The following CLSTN2 variants were observed in gnomAD, a reference collection of about 807,000 sequenced individuals.
CLSTN2 encodes the protein calsyntenin-2.
CLSTN2 carries 48 observed loss-of-function variants against 101.2 expected under a neutral mutation model. The ratio of observed to expected loss-of-function variants is 0.47; its 90% CI spans 0.38 to 0.60. The LOEUF is 0.60. Among genes scored for constraint, CLSTN2 ranks in the 20% least tolerant of loss-of-function variants. CLSTN2 has a pLI of 0.00. For synonymous variants in CLSTN2, 481 were observed against 463.6 expected (o/e 1.04, Z -0.48); for missense variants, 1,160 against 1,238.2 (o/e 0.94, Z 0.95).
At chr3:140,085,213 A>G (rs192281765) in intron 1 of CLSTN2, among the ~76,000 whole-genome samples, 3 of 152,342 alleles carry the variant, frequency 2.0e-5, no homozygotes, top group Admixed American at 2.0e-4. Context: ...ATCAACAAAC[A>G]GATGGATGTC....
intron 2 of CLSTN2, among the ~76,000 whole-genome samples, chr3:140,307,123 A>G (rs879585169): frequency 9.2e-5 from 14 of 152,252 alleles, no homozygotes; most frequent in Admixed American, 3.9e-4. Flanking sequence ...CCATCCATGT[A>G]AGATATGACT....
chr3:140,484,066 T>C (rs1934185991), intron 8 of CLSTN2, among the ~76,000 whole-genome samples: 1 of 152,226 alleles, frequency 6.6e-6, no homozygotes, highest in African/African-American at 2.4e-5. Context: ...CTTGATGGTC[T>C]TTACAATTTG....
chr3:140,511,645 G>T (rs181442673), intron 8 of CLSTN2, among the ~76,000 whole-genome samples: 14 of 148,620 alleles, frequency 9.4e-5, no homozygotes, highest in African/African-American at 3.0e-4. Context: ...TGCCTCCCGG[G>T]TTCACGCAAT....
intron 1 of CLSTN2, among the ~76,000 whole-genome samples, chr3:140,088,213 T>A (rs1043978897): frequency 6.6e-6 from 1 of 152,174 alleles, no homozygotes; most frequent in Non-Finnish European, 1.5e-5. Context: ...GATGGTACTA[T>A]CATAAAAGCC....
At chr3:140,331,950 C>T (rs191539919) in intron 2 of CLSTN2, among the ~76,000 whole-genome samples, 248 of 152,326 alleles carry the variant, frequency 1.6e-3, no homozygotes, top group Non-Finnish European at 3.0e-3. Flanking sequence ...TATGTTTATT[C>T]TTCAAGAATA....
chr3:140,046,484 C>CTT (rs2007883184), intron 1 of CLSTN2, among the ~76,000 whole-genome samples: 1 of 152,138 alleles, frequency 6.6e-6, no homozygotes, highest in Non-Finnish European at 1.5e-5. Flanking sequence ...CAGTCTGTGT[C>CTT]TTTTAATTGG....
intron 1 of CLSTN2, among the ~76,000 whole-genome samples, chr3:140,103,380 T>C (rs1452144880): frequency 6.6e-6 from 1 of 152,330 alleles, no homozygotes; most frequent in African/African-American, 2.4e-5. Flanking sequence ...CCCTCCATAG[T>C]GTGCTTTCAG....
At chr3:140,294,730 T>TAACA (rs1181067771) in intron 2 of CLSTN2, among the ~76,000 whole-genome samples, 2 of 152,182 alleles carry the variant, frequency 1.3e-5, no homozygotes, top group African/African-American at 4.8e-5. Flanking sequence ...GAGGCTGCTA[T>TAACA]AACAAAGTAC....
At chr3:140,560,070 A>G (rs1935878469) in intron 12 of CLSTN2, among the ~76,000 whole-genome samples, 1 of 152,216 alleles carries the variant, frequency 6.6e-6, no homozygotes, top group Non-Finnish European at 1.5e-5. Flanking sequence ...ACCAGCATAC[A>G]GGCAATGCAG....
intron 9 of CLSTN2, among the ~76,000 whole-genome samples, chr3:140,538,625 G>C (rs1177408536): frequency 6.6e-6 from 1 of 152,182 alleles, no homozygotes. Context: ...TTAGTACAGA[G>C]GCTTGGAGTG....
At chr3:140,169,787 C>T (rs539786799) in intron 1 of CLSTN2, among the ~76,000 whole-genome samples, 157 of 152,078 alleles carry the variant, frequency 1.0e-3, no homozygotes, top group Middle Eastern at 3.4e-3. Context: ...CTGGGTAGAA[C>T]ATTTCTGAGA....
At chr3:140,056,548 G>A (rs552337116) in intron 1 of CLSTN2, among the ~76,000 whole-genome samples, 2 of 152,288 alleles carry the variant, frequency 1.3e-5, no homozygotes, top group South Asian at 2.1e-4. Flanking sequence ...TATGGAACAC[G>A]TGGGTTAGGT....
In CLSTN2 at chr3:140,532,482, G is replaced by A; in HGVS notation, c.1503G>A (p.Trp501Ter). ...TGCAACTCACAGTCGGCGCTTGTTG[G>A]CAAGGTAATCCTAAGTGAAACCCTT... ...IAMQLTVGAC[W>*]QGGEVTKPQF... Residue 501 changes from tryptophan (W) to a stop codon, truncating the protein, a stop_gained, in exon 9 of 17, where the codon TGG becomes TGA. Transcript: ENST00000458420. LOFTEE classifies it high-confidence loss of function. 6.2e-7 allele frequency: 1 copy of A among 1,612,294 alleles called. No homozygotes were observed. The highest frequency in any genetic ancestry group is 1.3e-5 in the African/African-American group (1 of 74,996).
intron 2 of CLSTN2, among the ~76,000 whole-genome samples, chr3:140,398,271 G>A (rs1280969210): frequency 2.0e-5 from 3 of 151,956 alleles, no homozygotes; most frequent in Admixed American, 6.6e-5. Flanking sequence ...TCATCCCACA[G>A]AATATTAAAA....
Position 140,459,753 on chromosome 3 carries a change from C to A in CLSTN2, c.1206C>A (p.Cys402Ter), listed in dbSNP as rs1406720951. 6.2e-7 allele frequency: 1 copy of A among 1,613,526 alleles called. No homozygotes were observed. Among genetic ancestry groups the A allele is most frequent in the Non-Finnish European group, 8.5e-7 (1 of 1,179,704 alleles). ...GVRAEKETILCNSDKTEMNRH... is the reference protein window; with the variant it reads ...GVRAEKETIL ...GAGCCGAGAAGGAAACCATCCTCTG[C>A]AACTCAGACAAAACCGGTGAGTCTC... Residue 402 changes from cysteine to a stop codon, truncating the protein, a stop_gained, in exon 7 of 17, where the codon TGC becomes TGA. Coordinates refer to ENST00000458420, the MANE Select transcript of CLSTN2 (RefSeq NM_022131.3). LOFTEE classifies it high-confidence loss of function.
chr3:140,361,321 G>A (rs1189697862), intron 2 of CLSTN2, among the ~76,000 whole-genome samples: 1 of 152,096 alleles, frequency 6.6e-6, no homozygotes, highest in African/African-American at 2.4e-5. Flanking sequence ...CAAACTAATA[G>A]AGAAACTTCT....
intron 2 of CLSTN2, among the ~76,000 whole-genome samples, chr3:140,397,216 T>C (rs1346964060): frequency 6.6e-6 from 1 of 152,180 alleles, no homozygotes; most frequent in Admixed American, 6.5e-5. Flanking sequence ...TAAGTCCTCA[T>C]ATCTTTTATT....
intron 1 of CLSTN2, among the ~76,000 whole-genome samples, chr3:140,029,056 G>A (rs148125965): frequency 1.3e-5 from 2 of 152,326 alleles, no homozygotes; most frequent in Non-Finnish European, 2.9e-5. Context: ...TGAGGCCTTC[G>A]TCTTGTCATT....
At chr3:140,180,156 A>T (rs183018050) in intron 2 of CLSTN2, among the ~76,000 whole-genome samples, 1 of 152,216 alleles carries the variant, frequency 6.6e-6, no homozygotes, top group Non-Finnish European at 1.5e-5. Context: ...AAGTTTAATA[A>T]ATTTGCGTTT....
Sources: allele counts gnomAD v4.1 joint callset (sites outside exome capture counted in the v4.1 genomes callset), GRCh38; gene constraint gnomAD v4.1.1; transcripts MANE v1.5; gene names NCBI Gene and HGNC (gene_info 2026-07-23, HGNC 2026-07-21).